CENPP: variants seen among roughly 807,000 people sequenced by gnomAD.
The protein encoded by CENPP is centromere protein P.
In CENPP, 24 loss-of-function variants were observed where a neutral mutation model predicts 35.6. The observed-to-expected ratio is 0.67, with a 90% confidence interval of 0.49 to 0.95. The LOEUF is 0.95. Ranked by LOEUF, CENPP falls within the 40% of genes least tolerant of loss-of-function variation. The pLI is 0.00. For missense variants in CENPP, 332 were observed against 345.3 expected (o/e 0.96, Z 0.31); for synonymous variants, 120 against 125.5 (o/e 0.96, Z 0.29).
At chr9:92,358,890 T>C (rs1841661527) in intron 4 of CENPP, among the ~76,000 whole-genome samples, 1 of 151,884 alleles carries the variant, frequency 6.6e-6, no homozygotes, top group Non-Finnish European at 1.5e-5. Context: ...ATGCTGTCTA[T>C]TCATTTATTT....
At chr9:92,471,852 G>A (rs555664679) in intron 5 of CENPP, among the ~76,000 whole-genome samples, 5 of 151,928 alleles carry the variant, frequency 3.3e-5, no homozygotes, top group East Asian at 1.9e-4. Context: ...TAGACACAGC[G>A]TTTCGCCATG....
intron 5 of CENPP, among the ~76,000 whole-genome samples, chr9:92,528,992 G>A (rs1848582060): frequency 6.6e-6 from 1 of 152,020 alleles, no homozygotes; most frequent in Admixed American, 6.6e-5. Flanking sequence ...TGAGAAGAAG[G>A]ATTAACCATG....
intron 5 of CENPP, among the ~76,000 whole-genome samples, chr9:92,420,111 C>G (rs1312308306): frequency 6.6e-6 from 1 of 152,112 alleles, no homozygotes; most frequent in Non-Finnish European, 1.5e-5. Context: ...TCCCATGCAC[C>G]CGCATCCTGG....
intron 4 of CENPP, among the ~76,000 whole-genome samples, chr9:92,360,880 G>A (rs941430965): frequency 2.0e-5 from 3 of 150,830 alleles, no homozygotes; most frequent in Non-Finnish European, 3.0e-5. Context: ...AATTATTTTT[G>A]TATTTTTTAG....
chr9:92,376,574 G>A (rs1259303049), intron 4 of CENPP, among the ~76,000 whole-genome samples: 4 of 152,172 alleles, frequency 2.6e-5, no homozygotes, highest in Admixed American at 2.6e-4. Context: ...AGCTTGAGGA[G>A]GCAGTGTCTG....
intron 4 of CENPP, among the ~76,000 whole-genome samples, chr9:92,361,494 T>G (rs1841749770): frequency 8.1e-6 from 1 of 123,936 alleles, no homozygotes; most frequent in Non-Finnish European, 1.7e-5. Flanking sequence ...TTTTATTTTA[T>G]TTTGAGATGG....
intron 5 of CENPP, among the ~76,000 whole-genome samples, chr9:92,459,380 G>A (rs536868531): frequency 1.5e-4 from 23 of 152,216 alleles, no homozygotes; most frequent in African/African-American, 1.9e-4. Flanking sequence ...CGGCTTTGCC[G>A]CAATGTCCTC....
At chr9:92,601,078 C>A (rs898937658) in intron 5 of CENPP, among the ~76,000 whole-genome samples, 1 of 152,178 alleles carries the variant, frequency 6.6e-6, no homozygotes, top group Non-Finnish European at 1.5e-5. Context: ...CGTGTCCGAG[C>A]CTCAGGACCA....
chr9:92,345,908 A>G, intron 4 of CENPP, 121 bp downstream of exon 4: 1 of 602,398 alleles, frequency 1.7e-6, no homozygotes, highest in South Asian at 2.1e-5. Flanking sequence ...GTATAACACC[A>G]CTGTTGTGCT....
Position 92,616,145 on chromosome 9 carries a change from A to AGTAT in CENPP, c.*2999_*3002dup, listed in dbSNP as rs1851425247. The AGTAT allele has an allele frequency of 1.1e-6, 1 of 883,866 alleles. No individual in the cohort carries two copies. The highest frequency in any genetic ancestry group is 1.7e-5 in the African/African-American group (1 of 58,914). 54.8% of individuals were successfully genotyped at this position (883,866 alleles called of 1,614,324 possible). A position where few individuals can be genotyped will look rare whatever the true frequency, so the allele number is the denominator to read the frequency against. On this transcript the variant is annotated 3_prime_UTR_variant, in exon 8 of 8. Coordinates refer to ENST00000375587, the MANE Select transcript of CENPP (RefSeq NM_001012267.3). Reference sequence around the variant, plus strand: ...TCTCTCTCCCTTTCTTCTTTCAACTAGTATGTTTTTATGTTTTTTCTTTGA... The same window carrying AGTAT: ...TCTCTCTCCCTTTCTTCTTTCAACTAGTATGTATGTTTTTATGTTTTTTCTTTGA...
intron 3 of CENPP, 37 bp from the exon 4 acceptor site, chr9:92,345,662 C>G: frequency 8.6e-7 from 1 of 1,164,956 alleles, no homozygotes; most frequent in Non-Finnish European, 1.3e-6. Flanking sequence ...TTGAAGTTTA[C>G]TGTGCTTTGA....
chr9:92,612,751 A>T (rs1485147193), intron 7 of CENPP, 137 bp downstream of exon 7: 2 of 723,332 alleles, frequency 2.8e-6, no homozygotes, highest in Non-Finnish European at 4.7e-6. Flanking sequence ...ATCAATTTTT[A>T]AATATTTTTA....
intron 5 of CENPP, among the ~76,000 whole-genome samples, chr9:92,513,022 G>T (rs181974470): frequency 6.6e-6 from 1 of 152,204 alleles, no homozygotes; most frequent in Non-Finnish European, 1.5e-5. Context: ...CACTGGCAGT[G>T]TGCTGTCACA....
chr9:92,517,466 T>C, intron 5 of CENPP: 1 of 629,968 alleles, frequency 1.6e-6, no homozygotes, highest in Non-Finnish European at 2.7e-6. Flanking sequence ...CCAAGTTTAC[T>C]GAATCTGATA....
intron 5 of CENPP, among the ~76,000 whole-genome samples, chr9:92,518,874 G>A (rs1376964495): frequency 6.6e-6 from 1 of 152,174 alleles, no homozygotes; most frequent in Non-Finnish European, 1.5e-5. Flanking sequence ...GGATGACAGA[G>A]CAAGACTGTC....
chr9:92,613,389 T>A lies in CENPP; in HGVS notation c.*240T>A, dbSNP rs1588322380. 3.7e-5 allele frequency: 16 copies of A among 435,912 alleles called. No individual in the cohort carries two copies. The highest frequency in any genetic ancestry group is 3.2e-4 in the South Asian group (14 of 43,730). The allele number at this position is 435,912 out of a possible 1,614,324, so 27.0% of individuals were successfully genotyped here. ...GGTTTATAAAAATAAGCTTAACATCTGAGAAAATGTACCAAGTGGTTGTGT... is the reference window on the plus strand; with the variant it reads ...GGTTTATAAAAATAAGCTTAACATCAGAGAAAATGTACCAAGTGGTTGTGT... On this transcript the variant is annotated 3_prime_UTR_variant, in exon 8 of 8. Transcript: ENST00000375587.
intron 5 of CENPP, among the ~76,000 whole-genome samples, chr9:92,472,038 C>G (rs1430134249): frequency 1.3e-5 from 2 of 152,142 alleles, no homozygotes; most frequent in East Asian, 3.8e-4. Flanking sequence ...TCCTACAGCT[C>G]TATGTACTTT....
At chr9:92,424,468 A>C (rs1481449421) in intron 5 of CENPP, 3 of 152,208 alleles carry the variant, frequency 2.0e-5, no homozygotes, top group Non-Finnish European at 1.5e-5. Context: ...GGTCAGATTT[A>C]TGTGGCTTAC....
At chr9:92,517,447 T>C in intron 5 of CENPP, 1 of 606,142 alleles carries the variant, frequency 1.6e-6, no homozygotes, top group East Asian at 2.8e-5. Context: ...ATGTGGAATG[T>C]AATCTCATCC....
Sources: allele counts gnomAD v4.1 joint callset (sites outside exome capture counted in the v4.1 genomes callset), GRCh38; gene constraint gnomAD v4.1.1; transcripts MANE v1.5; gene names NCBI Gene and HGNC (gene_info 2026-07-23, HGNC 2026-07-21).